OR51B5: variants seen among roughly 807,000 people sequenced by gnomAD.
OR51B5 encodes the protein olfactory receptor 51B5.
For missense variants in OR51B5, 456 were observed against 374.6 expected (o/e 1.22, Z -1.79); for synonymous variants, 186 against 144.8 (o/e 1.28, Z -2.04).
intron 1 of OR51B5, among the ~76,000 whole-genome samples, chr11:5,467,298 T>C (rs1250559963): frequency 1.3e-5 from 2 of 152,180 alleles, no homozygotes; most frequent in East Asian, 3.8e-4. Flanking sequence ...CGTTGCTTAA[T>C]GAGACGTTCA....
intron 1 of OR51B5, among the ~76,000 whole-genome samples, chr11:5,393,874 C>A (rs1849831619): frequency 6.6e-6 from 1 of 152,076 alleles, no homozygotes; most frequent in Admixed American, 6.5e-5. Flanking sequence ...TTTTCTTAAA[C>A]CATTATGCTG....
At chr11:5,401,319 G>A (rs1156753836) in intron 1 of OR51B5, among the ~76,000 whole-genome samples, 1 of 152,216 alleles carries the variant, frequency 6.6e-6, no homozygotes, top group African/African-American at 2.4e-5. Flanking sequence ...TGTGATCGTT[G>A]ACAGAATATT....
chr11:5,436,609 G>A (rs986893074), intron 1 of OR51B5, among the ~76,000 whole-genome samples: 1 of 152,122 alleles, frequency 6.6e-6, no homozygotes, highest in East Asian at 1.9e-4. Context: ...AGACCATGAG[G>A]GTATTTGAAT....
At chr11:5,444,005 A>G (rs16931067) in intron 1 of OR51B5, among the ~76,000 whole-genome samples, 4,349 of 152,182 alleles carry the variant, frequency 0.029, 173 homozygotes, top group African/African-American at 0.094. Flanking sequence ...ACTCACACAA[A>G]ATACTATCAT....
At chr11:5,372,733 T>A (rs138227794) in intron 1 of OR51B5, among the ~76,000 whole-genome samples, 1 of 152,238 alleles carries the variant, frequency 6.6e-6, no homozygotes, top group Non-Finnish European at 1.5e-5. Flanking sequence ...TTTTCTTTGC[T>A]GTGCAGAAAA....
At chr11:5,479,601 T>A (rs997262293) in intron 1 of OR51B5, among the ~76,000 whole-genome samples, 1 of 152,004 alleles carries the variant, frequency 6.6e-6, no homozygotes, top group Non-Finnish European at 1.5e-5. Flanking sequence ...ATCAGTGTGC[T>A]GTATTCAGGA....
chr11:5,489,175 G>A, intron 1 of OR51B5: 1 of 1,613,176 alleles, frequency 6.2e-7, no homozygotes. Context: ...CCGTAGTGTG[G>A]CTATTGTCTC....
intron 1 of OR51B5, among the ~76,000 whole-genome samples, chr11:5,376,787 A>G (rs550341355): frequency 6.6e-6 from 1 of 151,770 alleles, no homozygotes; most frequent in East Asian, 1.9e-4. Context: ...GAATAGACCA[A>G]TAACAGGATC....
rs868411664 is a variant in OR51B5 at position 5,351,560 on chromosome 11, T to C, written n.85-4650A>G. 3 of 1,613,992 alleles carry C rather than the reference T, an allele frequency of 1.9e-6. No homozygotes were observed. The African/African-American group carries it at 4.0e-5, about 21-fold the overall frequency. ...TTCCAGCTTACTGGCTTCCCAGGCATGGAGAAGGCACATCACTGGATATTC... is the reference window on the plus strand; with the variant it reads ...TTCCAGCTTACTGGCTTCCCAGGCACGGAGAAGGCACATCACTGGATATTC... On this transcript the variant is annotated intron_variant and non_coding_transcript_variant, in intron 1 of 4. Transcript: ENST00000415970.
exon 1 of OR51B5, chr11:5,342,905 A>G (rs753852259): frequency 1.2e-6 from 2 of 1,614,056 alleles, no homozygotes; most frequent in South Asian, 1.1e-5. Flanking sequence ...CAGATAATCC[A>G]GCACAAATAT....
intron 1 of OR51B5, among the ~76,000 whole-genome samples, chr11:5,378,155 C>G (rs569040553): frequency 6.6e-6 from 1 of 151,516 alleles, no homozygotes; most frequent in Admixed American, 6.6e-5. Context: ...GAAATAACGA[C>G]GCATATCTAC....
At chr11:5,361,980 A>C in intron 1 of OR51B5, among the ~76,000 whole-genome samples, 1 of 152,252 alleles carries the variant, frequency 6.6e-6, no homozygotes, top group East Asian at 1.9e-4. Flanking sequence ...AGACTAACAG[A>C]AAGAAAAACT....
intron 1 of OR51B5, among the ~76,000 whole-genome samples, chr11:5,448,003 T>C (rs1454007929): frequency 6.6e-6 from 1 of 152,180 alleles, no homozygotes; most frequent in Non-Finnish European, 1.5e-5. Context: ...AGTCTGAGTT[T>C]CAGCTTTGCA....
intron 1 of OR51B5, chr11:5,351,740 C>T: frequency 1.9e-6 from 3 of 1,613,930 alleles, no homozygotes; most frequent in Non-Finnish European, 2.5e-6. Context: ...ACAATGCCCA[C>T]AGTGCTAGGT....
At chr11:5,347,413 T>C (rs1849010467), upstream of OR51B5, among the ~76,000 whole-genome samples, 1 of 152,192 alleles carries the variant, frequency 6.6e-6, no homozygotes, top group African/African-American at 2.4e-5. Flanking sequence ...CATTCTGCAG[T>C]TATCACTAAC....
chr11:5,390,198 T>C, intron 1 of OR51B5: 1 of 1,614,018 alleles, frequency 6.2e-7, no homozygotes, highest in Non-Finnish European at 8.5e-7. Context: ...TTTGTGCCCA[T>C]GATGGGGCTG....
At chr11:5,352,475 T>C (rs1329446632) in intron 1 of OR51B5, 6 of 1,424,344 alleles carry the variant, frequency 4.2e-6, no homozygotes, top group Non-Finnish European at 5.8e-6. Context: ...TGAGGAATAA[T>C]TCAGGGGACC....
chr11:5,340,827 A>G (rs1406492532), downstream of OR51B5: 2 of 152,204 alleles, frequency 1.3e-5, no homozygotes, highest in Non-Finnish European at 2.9e-5. Context: ...GAAAACAGTG[A>G]TAATATCTAC....
Position 5,352,662 on chromosome 11 carries a change from A to G in OR51B5, n.85-5752T>C, listed in dbSNP as rs544322859. Among the ~76,000 whole-genome samples the G allele has an allele frequency of 2.6e-5, 4 of 152,238 alleles. No individual in the cohort carries two copies. In the South Asian group the frequency reaches 8.3e-4, roughly 32 times the overall value. ...AAGATATATGTACAACACTAAGTAC[A>G]TATCTCAGTGCTCAACTGATATTGT... On this transcript the variant is annotated intron_variant and non_coding_transcript_variant, in intron 1 of 4. Coordinates refer to the OR51B5 transcript ENST00000415970.
Sources: gnomAD v4.1 joint callset for allele counts (sites outside exome capture counted in the v4.1 genomes callset) on GRCh38, gnomAD v4.1.1 for gene constraint, MANE v1.5 for transcripts, NCBI Gene and HGNC (gene_info 2026-07-23, HGNC 2026-07-21) for gene names.